Variants in PTPRT observed in about 807,000 individuals in gnomAD.
The protein encoded by PTPRT is protein tyrosine phosphatase receptor type T, also known as receptor-type tyrosine-protein phosphatase T.
PTPRT carries 56 observed loss-of-function variants against 176.8 expected under a neutral mutation model. That is an observed-to-expected ratio of 0.32 (90% CI 0.26 to 0.40). The LOEUF (loss-of-function observed/expected upper bound fraction) is 0.40. Among genes scored for constraint, PTPRT ranks in the 10% least tolerant of loss-of-function variants. The pLI, the probability that PTPRT is intolerant of heterozygous loss-of-function variation, is 1.00. For missense variants in PTPRT, 1,540 were observed against 1,908.2 expected, an observed-to-expected ratio of 0.81 and a Z score of 3.60; for synonymous variants, 783 against 739.0, an observed-to-expected ratio of 1.06 and a Z score of -0.96.
chr20:42,541,427 A>G (rs1230062490), intron 7 of PTPRT, among the ~76,000 whole-genome samples: 1 of 152,126 alleles, frequency 6.6e-6, no homozygotes, highest in Non-Finnish European at 1.5e-5. Flanking sequence ...AGACAAAATT[A>G]CAGCATGGAT....
chr20:42,947,922 CT>C lies in PTPRT; in HGVS notation c.89-61991del, dbSNP rs562419627. ...CAGGGAATTATGTCTGTCTTGTCCA[CT>C]TTTGTATCCCTAGTACTAGAACAGT... On this transcript the variant is annotated intron_variant, in intron 1 of 30. Transcript: ENST00000373187. Among the ~76,000 whole-genome samples, 241 of 152,298 alleles carry C rather than the reference CT, an allele frequency of 1.6e-3. 5 individuals are homozygous for C. In the South Asian group the frequency reaches 0.05, roughly 31 times the overall value.
chr20:42,737,960 AG>A (rs2076562466), intron 6 of PTPRT, among the ~76,000 whole-genome samples: 1 of 152,270 alleles, frequency 6.6e-6, no homozygotes, highest in Admixed American at 6.5e-5. Context: ...CCCGAGGGGT[AG>A]GGAGCTGCTG....
At chr20:42,656,779 A>T (rs2075132258) in intron 7 of PTPRT, among the ~76,000 whole-genome samples, 1 of 152,248 alleles carries the variant, frequency 6.6e-6, no homozygotes, top group Non-Finnish European at 1.5e-5. Context: ...GGATGAAATC[A>T]ATTGTACATC....
chr20:42,844,992 A>G (rs76049528), intron 2 of PTPRT, among the ~76,000 whole-genome samples: 16,168 of 152,154 alleles, frequency 0.11, 999 homozygotes, highest in Admixed American at 0.16. Context: ...GGGAGTGGCT[A>G]GTGCTTTGCT....
intron 17 of PTPRT, among the ~76,000 whole-genome samples, chr20:42,160,001 C>G (rs1989518445): frequency 6.6e-6 from 1 of 152,136 alleles, no homozygotes; most frequent in Non-Finnish European, 1.5e-5. Flanking sequence ...TAAGCTCTTT[C>G]TCAGAATATA....
chr20:43,089,633 G>A (rs1422464428), intron 1 of PTPRT, among the ~76,000 whole-genome samples: 1 of 152,172 alleles, frequency 6.6e-6, no homozygotes, highest in African/African-American at 2.4e-5. Context: ...AGAAGGAGAG[G>A]GAGGTGGAAT....
chr20:42,558,262 T>G (rs1354534099), intron 7 of PTPRT, among the ~76,000 whole-genome samples: 1 of 152,154 alleles, frequency 6.6e-6, no homozygotes, highest in African/African-American at 2.4e-5. Context: ...CTTCCAGCGT[T>G]AGTTTTCTAA....
intron 2 of PTPRT, among the ~76,000 whole-genome samples, chr20:42,866,924 AAAAG>A (rs1460513606): frequency 6.6e-6 from 1 of 152,234 alleles, no homozygotes; most frequent in African/African-American, 2.4e-5. Flanking sequence ...AAGACTTAAT[AAAAG>A]AAAGATGACA....
rs545894054 is a variant in PTPRT, at chr20:42,711,963, T to C, written c.860-33804A>G. ...CACAGCCCATGACTCTCATTCACTG[T>C]GGAAACTTCCCTCTGCCCCTTGATG... On this transcript the variant is annotated intron_variant, in intron 6 of 30. Transcript: ENST00000373187. Among the ~76,000 whole-genome samples the C allele has an allele frequency of 8.5e-5, 13 of 152,168 alleles. No individual in the cohort carries two copies. The South Asian group carries it at 2.7e-3, about 32-fold the overall frequency.
chr20:43,187,962 A>G (rs116136952), intron 1 of PTPRT, among the ~76,000 whole-genome samples: 3,099 of 152,336 alleles, frequency 0.02, 97 homozygotes, highest in African/African-American at 0.068. Flanking sequence ...GGCGTTCAGC[A>G]CTGGACAGCT....
chr20:43,040,020 A>C (rs1457737599), intron 1 of PTPRT, among the ~76,000 whole-genome samples: 6 of 152,100 alleles, frequency 3.9e-5, no homozygotes, highest in Non-Finnish European at 7.4e-5. Context: ...CAGCCTGGGC[A>C]ACAGAGCAAG....
At chr20:42,340,733 C>T (rs1049741451) in intron 11 of PTPRT, among the ~76,000 whole-genome samples, 5 of 152,082 alleles carry the variant, frequency 3.3e-5, no homozygotes, top group South Asian at 2.1e-4. Flanking sequence ...TGGGCAGTTG[C>T]GGACAGAGAC....
intron 7 of PTPRT, among the ~76,000 whole-genome samples, chr20:42,646,855 T>C (rs1193540810): frequency 6.9e-6 from 1 of 145,938 alleles, no homozygotes; most frequent in Non-Finnish European, 1.5e-5. Flanking sequence ...TCAGGCTCTA[T>C]ATCTAGAGAT....
intron 1 of PTPRT, among the ~76,000 whole-genome samples, chr20:43,111,546 GAAAAAAAAAA>G (rs11424029): frequency 6.0e-5 from 5 of 83,448 alleles, no homozygotes; most frequent in East Asian, 3.3e-4. Flanking sequence ...TCCGTCTCAG[GAAAAAAAAAA>G]AAAAAAAAAA....
At chr20:43,128,633 G>C (rs1265816144) in intron 1 of PTPRT, among the ~76,000 whole-genome samples, 1 of 152,236 alleles carries the variant, frequency 6.6e-6, no homozygotes. Flanking sequence ...AAGGGATGCA[G>C]AGATGCACCA....
rs575223132 is a variant in PTPRT, at chr20:42,634,425, C to A, written c.1153+43441G>T. Among the ~76,000 whole-genome samples the A allele has an allele frequency of 1.2e-4, 18 of 151,506 alleles. No individual in the cohort carries two copies. In the South Asian group the frequency reaches 1.5e-3, roughly 12 times the overall value. On this transcript the variant is annotated intron_variant, in intron 7 of 30. Transcript: ENST00000373187. ...GAAAGCAGCCCAAATCCCTGAGTCACCAATGTTTGAAGAAGAGCTTCCCAG... is the reference window on the plus strand; with the variant it reads ...GAAAGCAGCCCAAATCCCTGAGTCAACAATGTTTGAAGAAGAGCTTCCCAG...
In PTPRT at chr20:42,357,283, C is replaced by G. The variant is rs1407139645; in HGVS notation, c.1561-4998G>C. 2.6e-5 allele frequency among the ~76,000 whole-genome samples: 4 copies of G among 152,206 alleles called. No homozygotes were observed. The East Asian group carries it at 7.7e-4, about 29-fold the overall frequency. On this transcript the variant is annotated intron_variant, in intron 9 of 30. Transcript: ENST00000373187. ...AAGCAGAGAGAAGTAGCAACAGATA[C>G]CCTACAGCCCACGCTGCCTAAAATA...
intron 17 of PTPRT, among the ~76,000 whole-genome samples, chr20:42,153,736 T>C (rs1230186368): frequency 6.6e-6 from 1 of 152,180 alleles, no homozygotes; most frequent in Non-Finnish European, 1.5e-5. Flanking sequence ...TCCATGGTCA[T>C]GCATGAGCTT....
intron 12 of PTPRT, among the ~76,000 whole-genome samples, chr20:42,308,810 A>G (rs755259794): frequency 2.0e-5 from 3 of 152,198 alleles, no homozygotes; most frequent in Admixed American, 1.3e-4. Context: ...CATTTCTTTA[A>G]CAGTGGTTGG....
Sources: gnomAD v4.1 joint callset for allele counts (sites outside exome capture counted in the v4.1 genomes callset) on GRCh38, gnomAD v4.1.1 for gene constraint, MANE v1.5 for transcripts, NCBI Gene and HGNC (gene_info 2026-07-23, HGNC 2026-07-21) for gene names.